TMEM132D: variants seen among roughly 807,000 people sequenced by gnomAD.
The protein encoded by TMEM132D is mature OL transmembrane protein.
In TMEM132D, 21 loss-of-function variants were observed where a neutral mutation model predicts 62.3. The observed-to-expected ratio is 0.34, with a 90% CI of 0.24 to 0.49. TMEM132D has a LOEUF of 0.49. Among genes scored for constraint, TMEM132D ranks in the 20% least tolerant of loss-of-function variants. The pLI is 0.99. For missense variants in TMEM132D, 1,346 were observed against 1,402.8 expected, an observed-to-expected ratio of 0.96 and a Z score of 0.65; for synonymous variants, 621 against 575.6, an observed-to-expected ratio of 1.08 and a Z score of -1.13.
intron 5 of TMEM132D, among the ~76,000 whole-genome samples, chr12:129,149,686 C>T (rs963846201): frequency 2.0e-5 from 3 of 152,142 alleles, no homozygotes; most frequent in Admixed American, 6.6e-5. Context: ...TGGGCAATAA[C>T]GGTAGGGCTC....
rs1426449587 is a variant in TMEM132D at position 129,081,769 on chromosome 12, G to T, written c.1913C>A (p.Thr638Asn). ...QILMGQELGM[T>N]TIQILSPLSD... ...TTTTTTTTTTTTTACCTGAATGGTG[G>T]TCATCCCAAGCTCCTGCCCCATCAG... The change falls in exon 7 of 9, where the codon ACC becomes AAC. Residue 638 changes from threonine to asparagine, a missense_variant. Physicochemically the swap from Thr to Asn is moderately conservative, Grantham distance 65 (BLOSUM62 0). Transcript: ENST00000422113. The T allele has an allele frequency of 6.3e-7, 1 of 1,585,438 alleles. No homozygotes were observed. The highest frequency in any genetic ancestry group is 8.6e-7 in the Non-Finnish European group (1 of 1,167,998).
At position 129,444,281 on chromosome 12, in the gene TMEM132D, T is replaced by A. The variant is rs796652694; in HGVS notation, c.1115+86778A>T. On this transcript the variant is annotated intron_variant, in intron 3 of 8. Coordinates refer to ENST00000422113, the MANE Select transcript of TMEM132D (RefSeq NM_133448.3). ...AAATGGGATCTATTAAACTAATAGA[T>A]CTTCTGCACAACAAAAGAAACTACC... Among the ~76,000 whole-genome samples, 29 of 152,242 alleles carry A rather than the reference T, an allele frequency of 1.9e-4. 1 individual carries two copies. The highest frequency in any genetic ancestry group is 6.7e-4 in the African/African-American group (28 of 41,546).
At chr12:129,801,055 G>C (rs1001527687) in intron 1 of TMEM132D, among the ~76,000 whole-genome samples, 2 of 152,184 alleles carry the variant, frequency 1.3e-5, no homozygotes. Flanking sequence ...CACCTGGCTC[G>C]GAGGGTCCTG....
At chr12:129,695,344 T>C (rs1048056299) in intron 2 of TMEM132D, among the ~76,000 whole-genome samples, 2 of 152,140 alleles carry the variant, frequency 1.3e-5, no homozygotes, top group Admixed American at 6.5e-5. Context: ...AATTGTAAGG[T>C]ATTAATAAAA....
chr12:129,546,008 T>C (rs915561205), intron 2 of TMEM132D, among the ~76,000 whole-genome samples: 4 of 152,102 alleles, frequency 2.6e-5, no homozygotes, highest in African/African-American at 9.7e-5. Context: ...TGTTCTCAGG[T>C]TGTCTGAGCT....
chr12:129,373,285 T>A (rs1220560663), intron 3 of TMEM132D, among the ~76,000 whole-genome samples: 3 of 152,140 alleles, frequency 2.0e-5, no homozygotes, highest in African/African-American at 7.2e-5. Context: ...AGTTTGGGCC[T>A]CATAAAAAGT....
At chr12:129,477,926 A>T (rs1301820755) in intron 3 of TMEM132D, among the ~76,000 whole-genome samples, 2 of 152,186 alleles carry the variant, frequency 1.3e-5, no homozygotes, top group Non-Finnish European at 2.9e-5. Context: ...GGGACATGTT[A>T]TATGTGTCCT....
intron 2 of TMEM132D, among the ~76,000 whole-genome samples, chr12:129,667,267 CT>C (rs1880399957): frequency 6.6e-6 from 1 of 152,138 alleles, no homozygotes; most frequent in Non-Finnish European, 1.5e-5. Context: ...TAAAAACTAG[CT>C]TTAACATCAA....
intron 1 of TMEM132D, among the ~76,000 whole-genome samples, chr12:129,824,829 A>T (rs1219484569): frequency 6.6e-6 from 1 of 152,172 alleles, no homozygotes; most frequent in African/African-American, 2.4e-5. Context: ...GGGTAAGAGG[A>T]TCCTGCTGTC....
At chr12:129,646,303 G>A (rs1398649874) in intron 2 of TMEM132D, among the ~76,000 whole-genome samples, 3 of 152,084 alleles carry the variant, frequency 2.0e-5, no homozygotes, top group Admixed American at 2.0e-4. Context: ...TACCCACTTT[G>A]CAGAGGGCGA....
intron 5 of TMEM132D, among the ~76,000 whole-genome samples, chr12:129,106,779 T>G (rs1290271346): frequency 6.6e-6 from 1 of 152,134 alleles, no homozygotes; most frequent in Non-Finnish European, 1.5e-5. Context: ...TTGGAAACAC[T>G]TAAGAGCCAG....
intron 1 of TMEM132D, among the ~76,000 whole-genome samples, chr12:129,854,217 T>C (rs1213303073): frequency 6.6e-6 from 1 of 152,202 alleles, no homozygotes; most frequent in African/African-American, 2.4e-5. Context: ...CGTTCAGCTA[T>C]CACTGAACTT....
intron 3 of TMEM132D, among the ~76,000 whole-genome samples, chr12:129,515,688 T>C (rs952425665): frequency 6.6e-6 from 1 of 152,122 alleles, no homozygotes; most frequent in African/African-American, 2.4e-5. Context: ...CTGCCCTATA[T>C]CTGAAGGCCA....
At chr12:129,295,665 C>T (rs1406371040) in intron 4 of TMEM132D, among the ~76,000 whole-genome samples, 1 of 151,990 alleles carries the variant, frequency 6.6e-6, no homozygotes, top group Non-Finnish European at 1.5e-5. Flanking sequence ...CATAAAAAGT[C>T]ATCCCACTGT....
rs561642293 is a variant in TMEM132D at position 129,071,758 on chromosome 12, G to A, written c.*2117C>T. 5 of 152,390 alleles carry A rather than the reference G, an allele frequency of 3.3e-5. No homozygotes were observed. In the East Asian group the frequency reaches 9.6e-4, roughly 29 times the overall value. The allele number at this position is 152,390 out of a possible 1,614,324, so 9.4% of individuals were successfully genotyped here. ...AATGCAAACTTTATATTTACAGTCA[G>A]TAAGTTTATAAATATATATTACATT... On this transcript the variant is annotated 3_prime_UTR_variant, in exon 9 of 9. Coordinates refer to ENST00000422113, the MANE Select transcript of TMEM132D (RefSeq NM_133448.3).
intron 8 of TMEM132D, among the ~76,000 whole-genome samples, chr12:129,076,788 T>C (rs967335759): frequency 1.3e-5 from 2 of 152,142 alleles, no homozygotes; most frequent in Non-Finnish European, 2.9e-5. Flanking sequence ...CAGGGTAGCG[T>C]GTTTAGCTCT....
At chr12:129,451,869 A>G (rs575357843) in intron 3 of TMEM132D, among the ~76,000 whole-genome samples, 6 of 152,332 alleles carry the variant, frequency 3.9e-5, no homozygotes, top group African/African-American at 1.4e-4. Context: ...TCACACGGCT[A>G]TACTAGCTGC....
intron 4 of TMEM132D, among the ~76,000 whole-genome samples, chr12:129,334,675 C>T (rs1340069721): frequency 3.9e-5 from 6 of 152,132 alleles, no homozygotes; most frequent in Non-Finnish European, 7.4e-5. Flanking sequence ...CTGTCACCTC[C>T]GCCTCCTGGG....
At chr12:129,076,544 A>T (rs1387120307) in intron 8 of TMEM132D, among the ~76,000 whole-genome samples, 1 of 152,126 alleles carries the variant, frequency 6.6e-6, no homozygotes, top group East Asian at 2.0e-4. Flanking sequence ...CAGCTCAGCC[A>T]AGAAATACTT....
Sources: allele counts gnomAD v4.1 joint callset (sites outside exome capture counted in the v4.1 genomes callset), GRCh38; gene constraint gnomAD v4.1.1; transcripts MANE v1.5; gene names NCBI Gene and HGNC (gene_info 2026-07-23, HGNC 2026-07-21).